SV2B: variants seen among roughly 807,000 people sequenced by gnomAD.
The protein encoded by SV2B is solute carrier family 22 member B2.
A neutral mutation model predicts 73.9 loss-of-function variants in SV2B; 41 were observed. The ratio of observed to expected loss-of-function variants is 0.56; its 90% confidence interval spans 0.43 to 0.72. SV2B has a LOEUF of 0.72. Ranked by LOEUF, SV2B falls within the 30% of genes least tolerant of loss-of-function variation. SV2B has a pLI of 0.00. For synonymous variants in SV2B, 314 were observed against 314.2 expected (o/e 1.00, Z 0.01); for missense variants, 764 against 857.8 (o/e 0.89, Z 1.37).
At chr15:91,250,149 T>G (rs572309776) in intron 2 of SV2B, among the ~76,000 whole-genome samples, 19 of 152,270 alleles carry the variant, frequency 1.2e-4, no homozygotes, top group African/African-American at 4.6e-4. Context: ...GACAGCACAT[T>G]AAAAGGATCA....
rs577470731 is a variant in SV2B, at chr15:91,249,485, G to A, written c.452-2334G>A. Among the ~76,000 whole-genome samples, 124 of 152,216 alleles carry A rather than the reference G, an allele frequency of 8.1e-4. 2 individuals carry two copies. Among genetic ancestry groups the A allele is most frequent in the African/African-American group, 2.9e-3 (121 of 41,492 alleles). On this transcript the variant is annotated intron_variant, in intron 2 of 12. Transcript: ENST00000394232. ...TCCTCACTTGACAAGCAATACTGGG[G>A]GTGAGCAGATGAAGAAAGAATGAAC...
chr15:91,177,855 T>A (rs1337926581), intron 1 of SV2B, among the ~76,000 whole-genome samples: 2 of 144,044 alleles, frequency 1.4e-5, no homozygotes, highest in African/African-American at 5.5e-5. Flanking sequence ...CAATTTGACT[T>A]CCTCTTTTCC....
chr15:91,185,258 GA>G (rs1370344365), intron 1 of SV2B, among the ~76,000 whole-genome samples: 1 of 152,102 alleles, frequency 6.6e-6, no homozygotes. Context: ...GATATTTAAG[GA>G]AAAAAATGAA....
intron 1 of SV2B, among the ~76,000 whole-genome samples, chr15:91,142,921 T>C (rs911951688): frequency 6.6e-6 from 1 of 152,266 alleles, no homozygotes; most frequent in African/African-American, 2.4e-5. Flanking sequence ...CTCTTACATT[T>C]TTACAGCTTG....
chr15:91,239,359 A>G lies in SV2B; in HGVS notation c.452-12460A>G, dbSNP rs559173127. Among the ~76,000 whole-genome samples, 1 of 146,100 alleles carries G rather than the reference A, an allele frequency of 6.8e-6. No individual in the cohort carries two copies. The highest frequency in any genetic ancestry group is 2.3e-4 in the South Asian group (1 of 4,380). On this transcript the variant is annotated intron_variant, in intron 2 of 12. Coordinates refer to ENST00000394232, the MANE Select transcript of SV2B (RefSeq NM_001323032.3). This position sits in a 1 kb window ranked among gnomAD's most constrained non-coding sequence, Gnocchi z 5.1. The stretch of plus-strand genomic sequence containing the variant: ...CCTCACCTCTCGGTGGGTCCTAGAA[A>G]AGGAAGTCTTGTGCTCGAAAGGAGA...
intron 1 of SV2B, among the ~76,000 whole-genome samples, chr15:91,103,941 T>C (rs1329757255): frequency 6.6e-6 from 1 of 152,214 alleles, no homozygotes; most frequent in African/African-American, 2.4e-5. Context: ...TTTGCAGTGG[T>C]TGAGACACTG....
chr15:91,108,103 T>G (rs1397636198), intron 1 of SV2B, among the ~76,000 whole-genome samples: 1 of 152,166 alleles, frequency 6.6e-6, no homozygotes, highest in Admixed American at 6.6e-5. Flanking sequence ...GGTGTAAATA[T>G]TGATTAAAGG....
intron 1 of SV2B, among the ~76,000 whole-genome samples, chr15:91,126,522 G>A (rs1186228391): frequency 6.6e-6 from 1 of 152,124 alleles, no homozygotes; most frequent in South Asian, 2.1e-4. Flanking sequence ...CCTGGACTGG[G>A]ATATTATATT....
At position 91,288,399 on chromosome 15, in the gene SV2B, T is replaced by C. The variant is rs533419878; in HGVS notation, c.1709-1122T>C. 6.6e-6 allele frequency among the ~76,000 whole-genome samples: 1 copy of C among 152,346 alleles called. No homozygotes were observed. The highest frequency in any genetic ancestry group is 2.1e-4 in the South Asian group (1 of 4,826). On this transcript the variant is annotated intron_variant, in intron 11 of 12. Transcript: ENST00000394232. The surrounding 1 kb of genome is among the most constrained non-coding windows in gnomAD (Gnocchi z 5.8). ...CATCACCACACATATATATGTTTTG[T>C]GGTGAGAATATTTGAAATTTACTCT...
intron 1 of SV2B, among the ~76,000 whole-genome samples, chr15:91,189,973 G>T (rs554131636): frequency 6.6e-6 from 1 of 151,762 alleles, no homozygotes; most frequent in Non-Finnish European, 1.5e-5. Flanking sequence ...GGGCGACAGA[G>T]CGAGACGCCA....
rs1238930928 is a variant in SV2B, at chr15:91,132,805, A to G, written c.-392+32442A>G. 6.6e-6 allele frequency among the ~76,000 whole-genome samples: 1 copy of G among 152,042 alleles called. No homozygotes were observed. The highest frequency in any genetic ancestry group is 1.5e-5 in the Non-Finnish European group (1 of 68,000). On this transcript the variant is annotated intron_variant, in intron 1 of 12. Coordinates refer to ENST00000394232, the MANE Select transcript of SV2B (RefSeq NM_001323032.3). The surrounding 1 kb of genome is among the most constrained non-coding windows in gnomAD (Gnocchi z 4.6). The stretch of plus-strand genomic sequence containing the variant: ...CAGTGAGCTATAGTCGCACCACTGC[A>G]CTCCAGCCTGGGCAACAGAGTGAGA...
At chr15:91,269,332 T>G (rs2048217995) in intron 9 of SV2B, among the ~76,000 whole-genome samples, 1 of 152,202 alleles carries the variant, frequency 6.6e-6, no homozygotes, top group South Asian at 2.1e-4. Context: ...CATTATTCAC[T>G]AAACTGAGCA....
In SV2B at chr15:91,300,492, A is replaced by C. The variant is rs2049407160; in HGVS notation, c.*7940A>C. On this transcript the variant is annotated 3_prime_UTR_variant, in exon 13 of 13. Transcript: ENST00000394232. ...CTTCCTCTTCTACTTCAAAGTAGCC[A>C]AAACTTGGAAAGTTCAAATTAATCT... is the stretch of plus-strand genomic sequence containing the variant. The C allele has an allele frequency of 6.6e-6, 1 of 152,248 alleles. No homozygotes were observed. The allele number at this position is 152,248 out of a possible 1,614,324, so 9.4% of individuals were successfully genotyped here.
intron 4 of SV2B, among the ~76,000 whole-genome samples, chr15:91,255,491 G>C (rs914137935): frequency 2.6e-5 from 4 of 152,114 alleles, no homozygotes; most frequent in Non-Finnish European, 5.9e-5. Flanking sequence ...AGGGGGTGAG[G>C]TATAAAAGAC....
intron 1 of SV2B, among the ~76,000 whole-genome samples, chr15:91,222,998 T>A (rs570105286): frequency 1.3e-5 from 2 of 152,336 alleles, no homozygotes; most frequent in South Asian, 4.1e-4. Flanking sequence ...AGCTTAGATG[T>A]TCAGAATCAG....
In SV2B at chr15:91,214,412, G is replaced by A. The variant is rs1174618698; in HGVS notation, c.-391-11461G>A. ...TTATATAACAATAGCTATTTTTATT[G>A]AGCTCTTTCTTGGTGATGGACACTG... On this transcript the variant is annotated intron_variant, in intron 1 of 12. Transcript: ENST00000394232. This position sits in a 1 kb window ranked among gnomAD's most constrained non-coding sequence, Gnocchi z 4.7. Among the ~76,000 whole-genome samples the A allele has an allele frequency of 6.6e-6, 1 of 152,188 alleles. No individual in the cohort carries two copies. Among genetic ancestry groups the A allele is most frequent in the African/African-American group, 2.4e-5 (1 of 41,462 alleles).
chr15:91,135,197 T>C (rs1260969700), intron 1 of SV2B, among the ~76,000 whole-genome samples: 7 of 152,178 alleles, frequency 4.6e-5, no homozygotes, highest in Admixed American at 1.3e-4. Context: ...TTTTATGTAC[T>C]GTGGCCCTTG....
In SV2B at chr15:91,123,733, A is replaced by C. The variant is rs529534517; in HGVS notation, c.-392+23370A>C. Among the ~76,000 whole-genome samples the C allele has an allele frequency of 2.6e-5, 4 of 152,274 alleles. No homozygotes were observed. In the South Asian group the frequency reaches 8.3e-4, roughly 32 times the overall value. On this transcript the variant is annotated intron_variant, in intron 1 of 12. Coordinates refer to ENST00000394232, the MANE Select transcript of SV2B (RefSeq NM_001323032.3). The surrounding 1 kb of genome is among the most constrained non-coding windows in gnomAD (Gnocchi z 4.7). Reference sequence around the variant, plus strand: ...TGTGATGCAGGTCTTCGGACTCCTCATGCACTACTCCTTTCTCTATTCTGG... The same window carrying C: ...TGTGATGCAGGTCTTCGGACTCCTCCTGCACTACTCCTTTCTCTATTCTGG...
At position 91,299,777 on chromosome 15, in the gene SV2B, T is replaced by G. The variant is rs2049379610; in HGVS notation, c.*7225T>G. 6.6e-6 allele frequency: 1 copy of G among 152,336 alleles called. No homozygotes were observed. The highest frequency in any genetic ancestry group is 2.4e-5 in the African/African-American group (1 of 41,560). 9.4% of individuals were successfully genotyped at this position (152,336 alleles called of 1,614,324 possible). A position where few individuals can be genotyped will look rare whatever the true frequency, so the allele number is the denominator to read the frequency against. On this transcript the variant is annotated 3_prime_UTR_variant, in exon 13 of 13. Transcript: ENST00000394232. ...CTCCCACCTCAGCCTCCCGAGTAGC[T>G]GGGATTACAGGCATGCGCCACCATG...
Sources: gnomAD v4.1 joint callset for allele counts (sites outside exome capture counted in the v4.1 genomes callset) on GRCh38, gnomAD v4.1.1 for gene constraint, Gnocchi (gnomAD v3.1) non-coding constraint, MANE v1.5 for transcripts, NCBI Gene and HGNC (gene_info 2026-07-23, HGNC 2026-07-21) for gene names.